The following CPZ variants were observed in gnomAD, a reference collection of about 807,000 sequenced individuals.
The protein encoded by CPZ is carboxypeptidase Z.
CPZ carries 103 observed loss-of-function variants against 61.8 expected under a neutral mutation model. That is an observed-to-expected ratio of 1.67 (90% CI 1.42 to 1.96). CPZ has a LOEUF of 1.96. CPZ is among the 30% of genes most tolerant of loss of function. The pLI is 0.00. For missense variants in CPZ, 1,461 were observed against 914.9 expected (o/e 1.60, Z -7.70); for synonymous variants, 551 against 373.7 (o/e 1.47, Z -5.47).
Position 8,606,788 on chromosome 4 carries a change from G to T in CPZ, c.958G>T (p.Asp320Tyr), listed in dbSNP as rs1202184110. 1.2e-6 allele frequency: 2 copies of T among 1,614,052 alleles called. No individual in the cohort carries two copies. Among genetic ancestry groups the T allele is most frequent in the African/African-American group, 2.7e-5 (2 of 74,924 alleles). ...CGGGAGGCAGAACGCGCAGAACCTG[G>T]ATCTGAACCGAAATTTCCCGGACCT... ...TSGRQNAQNL[D>Y]LNRNFPDLTS... Residue 320 changes from aspartate (D) to tyrosine (Y), a missense_variant, in exon 6 of 11, where the codon GAT (aspartate) becomes TAT (tyrosine). Physicochemically the swap from Asp to Tyr is radical, Grantham distance 160. Transcript: ENST00000360986.
intron 9 of CPZ, among the ~76,000 whole-genome samples, chr4:8,617,183 C>T (rs557641041): frequency 1.7e-4 from 26 of 152,314 alleles, no homozygotes; most frequent in African/African-American, 4.6e-4. Flanking sequence ...GGGGGTCAGC[C>T]GCGGTGGGAT....
chr4:8,615,370 G>A (rs1470987205), intron 9 of CPZ, among the ~76,000 whole-genome samples: 1 of 152,226 alleles, frequency 6.6e-6, no homozygotes, highest in Non-Finnish European at 1.5e-5. Flanking sequence ...GAAGGGTCCA[G>A]GATGTCACAG....
rs774551989 is a variant in CPZ, at chr4:8,607,254, C to G, written c.1069-13C>G. ...AGCCCAGCCCTGAGGGCGGCCTCGT[C>G]TGTCCTGGGCAGGTGGCCCCGGAGA... On this transcript the variant is annotated splice_polypyrimidine_tract_variant and intron_variant, in intron 6 of 10. Coordinates refer to ENST00000360986, the MANE Select transcript of CPZ (RefSeq NM_001014447.3). 1 of 1,613,056 alleles carries G rather than the reference C, an allele frequency of 6.2e-7. No homozygotes were observed. Among genetic ancestry groups the G allele is most frequent in the Non-Finnish European group, 8.5e-7 (1 of 1,179,280 alleles).
intron 1 of CPZ, among the ~76,000 whole-genome samples, chr4:8,596,573 T>A (rs1003761475): frequency 2.0e-5 from 3 of 152,222 alleles, no homozygotes; most frequent in African/African-American, 7.2e-5. Flanking sequence ...CAAGACTCTG[T>A]GTGTTGAGCA....
Position 8,612,157 on chromosome 4 carries a change from C to A in CPZ, c.1358C>A (p.Thr453Lys), listed in dbSNP as rs540505939. 4.0e-6 allele frequency: 4 copies of A among 1,000,016 alleles called. No individual in the cohort carries two copies. Among genetic ancestry groups the A allele is most frequent in the South Asian group, 2.6e-5 (1 of 38,420 alleles). 61.9% of individuals were successfully genotyped at this position (1,000,016 alleles called of 1,614,324 possible). A position where few individuals can be genotyped will look rare whatever the true frequency, so the allele number is the denominator to read the frequency against. Reference sequence around the variant, plus strand: ...AACGGGGCGGACTGGTACAGCTTCACGGGAGGTGCGGCTTCCGCAGGGCGG... The same window carrying A: ...AACGGGGCGGACTGGTACAGCTTCAAGGGAGGTGCGGCTTCCGCAGGGCGG... ...IINGADWYSF[T>K]GGMSDFNYLH... The change falls in exon 8 of 11, where the codon ACG becomes AAG. Residue 453 changes from threonine to lysine, a missense_variant. Thr to Lys is a moderately conservative substitution (Grantham distance 78). Transcript: ENST00000360986.
At chr4:8,608,697 A>G (rs934828074) in intron 7 of CPZ, among the ~76,000 whole-genome samples, 3 of 150,862 alleles carry the variant, frequency 2.0e-5, no homozygotes, top group Non-Finnish European at 4.4e-5. Context: ...GGGAACCCCC[A>G]GCCTGGTCTG....
chr4:8,616,755 A>T (rs1354454666), intron 9 of CPZ, among the ~76,000 whole-genome samples: 2 of 152,202 alleles, frequency 1.3e-5, no homozygotes, highest in Non-Finnish European at 2.9e-5. Flanking sequence ...CCTCTCATGC[A>T]GGAAAACCTT....
intron 7 of CPZ, 60 bp from the exon 8 acceptor site, chr4:8,611,967 C>T: frequency 1.1e-5 from 18 of 1,611,122 alleles, no homozygotes; most frequent in Non-Finnish European, 1.5e-5. Flanking sequence ...TCATTGACCC[C>T]AGCTCACAGG....
intron 7 of CPZ, among the ~76,000 whole-genome samples, chr4:8,609,248 A>AC (rs1671808536): frequency 9.1e-5 from 6 of 65,672 alleles, no homozygotes; most frequent in East Asian, 5.3e-4. Flanking sequence ...TCATTCACTC[A>AC]TCACTCACTC....
chr4:8,606,063 G>A lies in CPZ; in HGVS notation c.784G>A (p.Ala262Thr), dbSNP rs1353770385. Residue 262 changes from alanine (A) to threonine (T), a missense_variant, in exon 5 of 11, where the codon GCC (alanine) becomes ACC (threonine). Physicochemically the swap from Ala to Thr is moderately conservative, Grantham distance 58 (BLOSUM62 0). Coordinates refer to ENST00000360986, the MANE Select transcript of CPZ (RefSeq NM_001014447.3). ...VAGREMLIYL[A>T]QYLCSEYLLG... ...GGGCCGGGAGATGCTCATCTACCTAGCCCAGTACCTGTGCTCTGAGTACCT... is the reference window on the plus strand; with the variant it reads ...GGGCCGGGAGATGCTCATCTACCTAACCCAGTACCTGTGCTCTGAGTACCT... 6.2e-7 allele frequency: 1 copy of A among 1,614,188 alleles called. No homozygotes were observed. The highest frequency in any genetic ancestry group is 2.2e-5 in the East Asian group (1 of 44,884).
chr4:8,615,538 T>C lies in CPZ; in HGVS notation c.1503+1040T>C, dbSNP rs547574800. On this transcript the variant is annotated intron_variant, in intron 9 of 10. Coordinates refer to ENST00000360986, the MANE Select transcript of CPZ (RefSeq NM_001014447.3). The stretch of plus-strand genomic sequence containing the variant: ...AAGGAGAGGTGAGGGCGCAGCACCG[T>C]ACAGTTGGCGCCCACCCACACAGGG... Among the ~76,000 whole-genome samples, 5 of 152,306 alleles carry C rather than the reference T, an allele frequency of 3.3e-5. No homozygotes were observed. The South Asian group carries it at 1.0e-3, about 32-fold the overall frequency.
At chr4:8,602,885 C>T (rs566556613) in intron 3 of CPZ, 1 of 152,324 alleles carries the variant, frequency 6.6e-6, no homozygotes, top group Non-Finnish European at 1.5e-5. Context: ...ACCCTGGGCT[C>T]CCATGCGATG....
rs1028624816 is a variant in CPZ at position 8,611,878 on chromosome 4, C to A, written c.1228-149C>A. The stretch of plus-strand genomic sequence containing the variant: ...CATACACTGTGTCCTCTGCAGGACA[C>A]CGTTCCCCTCTCCTACCTGCAGACA... On this transcript the variant is annotated intron_variant, in intron 7 of 10. Transcript: ENST00000360986. The A allele has an allele frequency of 1.1e-5, 13 of 1,148,544 alleles. No individual in the cohort carries two copies. In the South Asian group the frequency reaches 1.5e-4, roughly 13 times the overall value. The allele number at this position is 1,148,544 out of a possible 1,614,324, so 71.1% of individuals were successfully genotyped here.
rs1309829522 is a variant in CPZ at position 8,606,745 on chromosome 4, C to T, written c.915C>T (p.Gly305=). ...GTTGGCCATGTTTTCAGGGTGCCGG[C>T]TACAACGGGTGGACGAGCGGGAGGC... ...GYEVAAAEGA[G]YNGWTSGRQN... The change falls in exon 6 of 11, where the codon GGC becomes GGT. Residue 305 remains glycine, a synonymous_variant. Coordinates refer to ENST00000360986, the MANE Select transcript of CPZ (RefSeq NM_001014447.3). 1.9e-6 allele frequency: 3 copies of T among 1,614,030 alleles called. No individual in the cohort carries two copies. The highest frequency in any genetic ancestry group is 2.5e-6 in the Non-Finnish European group (3 of 1,180,032).
chr4:8,615,589 C>T (rs1052840606), intron 9 of CPZ, among the ~76,000 whole-genome samples: 1 of 152,172 alleles, frequency 6.6e-6, no homozygotes, highest in Non-Finnish European at 1.5e-5. Context: ...CCAGGCCGGG[C>T]GGCAGACGGG....
chr4:8,612,016 T>C lies in CPZ; in HGVS notation c.1228-11T>C, dbSNP rs1306139086. On this transcript the variant is annotated splice_polypyrimidine_tract_variant and intron_variant, in intron 7 of 10. Transcript: ENST00000360986. ...GACCCTTTCCTTATCTGAGCCAGGT[T>C]TCTTTTCCAGATGTTCAAGCTGCTG... The C allele has an allele frequency of 6.2e-7, 1 of 1,613,864 alleles. No individual in the cohort carries two copies. Among genetic ancestry groups the C allele is most frequent in the South Asian group, 1.1e-5 (1 of 91,064 alleles).
At chr4:8,611,896 T>G in intron 7 of CPZ, 131 bp from the exon 8 acceptor site, 2 of 1,307,922 alleles carry the variant, frequency 1.5e-6, no homozygotes, top group Non-Finnish European at 2.1e-6. Flanking sequence ...CTCTCCTACC[T>G]GCAGACACCA....
At chr4:8,610,649 T>C (rs1405168144) in intron 7 of CPZ, among the ~76,000 whole-genome samples, 5 of 152,138 alleles carry the variant, frequency 3.3e-5, no homozygotes, top group Non-Finnish European at 7.4e-5. Context: ...TTGTTGGATG[T>C]GATTCATTCT....
Position 8,619,488 on chromosome 4 carries a change from G to T in CPZ, c.1830G>T (p.Leu610Phe). ...ACCCACTGGGAGGTGCCAGCTCTTT[G>T]GGGGAGGCCACGGAGCCCGACCCGC... is the stretch of plus-strand genomic sequence containing the variant. ...PHDPLGGASS[L>F]GEATEPDPLR... The change falls in exon 11 of 11, where the codon TTG (leucine) becomes TTT (phenylalanine). Residue 610 changes from leucine to phenylalanine, a missense_variant. Coordinates refer to ENST00000360986, the MANE Select transcript of CPZ (RefSeq NM_001014447.3). 2 of 1,607,632 alleles carry T rather than the reference G, an allele frequency of 1.2e-6. No homozygotes were observed. The highest frequency in any genetic ancestry group is 1.7e-6 in the Non-Finnish European group (2 of 1,175,718).
Sources: allele counts gnomAD v4.1 joint callset (sites outside exome capture counted in the v4.1 genomes callset), GRCh38; gene constraint gnomAD v4.1.1; transcripts MANE v1.5; gene names NCBI Gene and HGNC (gene_info 2026-07-23, HGNC 2026-07-21).